ROCK2: variants seen among roughly 807,000 people sequenced by gnomAD.
The protein encoded by ROCK2 is Rho associated coiled-coil containing protein kinase 2.
ROCK2 carries 61 observed loss-of-function variants against 195.1 expected under a neutral mutation model. That is an observed-to-expected ratio of 0.31 (90% confidence interval 0.25 to 0.39). The LOEUF (loss-of-function observed/expected upper bound fraction) is 0.39, where lower values mean the gene tolerates loss of function less well. ROCK2 is among the 10% of genes least tolerant of loss of function. The pLI is 1.00. For synonymous variants in ROCK2, 504 were observed against 545.5 expected, an observed-to-expected ratio of 0.92 and a Z score of 1.06; for missense variants, 1,109 against 1,637.4, an observed-to-expected ratio of 0.68 and a Z score of 5.57.
intron 1 of ROCK2, among the ~76,000 whole-genome samples, chr2:11,297,170 A>G (rs1178376055): frequency 6.6e-6 from 1 of 152,130 alleles, no homozygotes; most frequent in African/African-American, 2.4e-5. Context: ...CTAGGTAGGA[A>G]TTAGTATTTT....
At chr2:11,306,959 A>G (rs1342924991) in intron 1 of ROCK2, among the ~76,000 whole-genome samples, 1 of 152,218 alleles carries the variant, frequency 6.6e-6, no homozygotes, top group African/African-American at 2.4e-5. Flanking sequence ...TTCTTGGGGG[A>G]AAAAAGAATG....
At chr2:11,198,367 G>T (rs944727877) in intron 25 of ROCK2, 124 bp downstream of exon 25, 3 of 645,062 alleles carry the variant, frequency 4.7e-6, no homozygotes, top group Non-Finnish European at 5.2e-6. Flanking sequence ...TCAGGTAATT[G>T]TGACTTCACA....
chr2:11,243,012 C>T (rs1665482919), intron 4 of ROCK2, among the ~76,000 whole-genome samples: 1 of 152,086 alleles, frequency 6.6e-6, no homozygotes, highest in Non-Finnish European at 1.5e-5. Flanking sequence ...CTTTCTAGTG[C>T]CTGGGACCCT....
intron 20 of ROCK2, among the ~76,000 whole-genome samples, chr2:11,202,575 A>G (rs1283804295): frequency 2.6e-5 from 4 of 151,874 alleles, no homozygotes; most frequent in African/African-American, 9.7e-5. Flanking sequence ...TGGGCTCACT[A>G]AAAGTTCCGC....
chr2:11,234,855 T>C (rs1665147549), intron 5 of ROCK2, among the ~76,000 whole-genome samples: 1 of 152,090 alleles, frequency 6.6e-6, no homozygotes, highest in African/African-American at 2.4e-5. Context: ...ACAGGTGGCA[T>C]GAACAAGTTA....
At position 11,193,911 on chromosome 2, in the gene ROCK2, T is replaced by C. The variant is rs1558279049; in HGVS notation, c.3609-54A>G. 4.1e-6 allele frequency: 4 copies of C among 964,700 alleles called. No individual in the cohort carries two copies. The African/African-American group carries it at 5.0e-5, about 12-fold the overall frequency. 59.8% of individuals were successfully genotyped at this position (964,700 alleles called of 1,614,324 possible). A position where few individuals can be genotyped will look rare whatever the true frequency, so the allele number is the denominator to read the frequency against. Reference sequence around the variant, plus strand: ...AATATCACCCAAGGATCAAATTATATATTAATTATTCTATACTTACATCAG... The same window carrying C: ...AATATCACCCAAGGATCAAATTATACATTAATTATTCTATACTTACATCAG... On this transcript the variant is annotated intron_variant, in intron 29 of 32. Coordinates refer to ENST00000315872, the MANE Select transcript of ROCK2 (RefSeq NM_004850.5).
chr2:11,308,385 C>T, intron 1 of ROCK2: 1 of 1,517,742 alleles, frequency 6.6e-7, no homozygotes, highest in Non-Finnish European at 9.1e-7. Flanking sequence ...AGAATTTTGG[C>T]ACCTGGTGAA....
chr2:11,281,977 C>T (rs2148185149), intron 3 of ROCK2, among the ~76,000 whole-genome samples: 1 of 152,232 alleles, frequency 6.6e-6, no homozygotes, highest in Admixed American at 6.5e-5. Context: ...AAAAAAACCC[C>T]AGTAAGTTAT....
intron 1 of ROCK2, chr2:11,309,068 G>A: frequency 7.3e-7 from 1 of 1,374,078 alleles, no homozygotes; most frequent in Non-Finnish European, 9.9e-7. Context: ...TAGGCCGGAG[G>A]GAGTCCAATG....
At chr2:11,327,334 A>C (rs1005969558) in intron 1 of ROCK2, among the ~76,000 whole-genome samples, 1 of 152,218 alleles carries the variant, frequency 6.6e-6, no homozygotes, top group Non-Finnish European at 1.5e-5. Context: ...AAGACCTCAA[A>C]GGTAAAGCCA....
intron 1 of ROCK2, among the ~76,000 whole-genome samples, chr2:11,296,011 A>AG (rs1256824530): frequency 1.2e-5 from 1 of 85,402 alleles, no homozygotes; most frequent in African/African-American, 4.6e-5. Context: ...GAGAGGAGAG[A>AG]GAGAGAGAGA....
intron 3 of ROCK2, among the ~76,000 whole-genome samples, chr2:11,277,908 C>A (rs775144569): frequency 6.6e-6 from 1 of 152,176 alleles, no homozygotes; most frequent in East Asian, 1.9e-4. Context: ...GCATGATTTA[C>A]AGGCAGGATT....
intron 32 of ROCK2, chr2:11,184,620 C>T (rs1427627344): frequency 3.0e-6 from 3 of 984,720 alleles, no homozygotes; most frequent in Admixed American, 6.2e-5. Flanking sequence ...ACCACATGCA[C>T]TACGTTGAAG....
chr2:11,247,367 G>C (rs1487727954), intron 4 of ROCK2, among the ~76,000 whole-genome samples: 1 of 152,172 alleles, frequency 6.6e-6, no homozygotes, highest in African/African-American at 2.4e-5. Context: ...ACTTTGACAA[G>C]TTTTCACAAA....
intron 1 of ROCK2, among the ~76,000 whole-genome samples, chr2:11,289,924 T>C (rs1012753610): frequency 3.3e-5 from 5 of 152,244 alleles, no homozygotes; most frequent in African/African-American, 1.2e-4. Context: ...AAAACCATTT[T>C]TTAAAGACCA....
rs1298506057 is a variant in ROCK2 at position 11,235,133 on chromosome 2, C to A, written c.723+569G>T. Among the ~76,000 whole-genome samples the A allele has an allele frequency of 6.6e-6, 1 of 152,084 alleles. No homozygotes were observed. The highest frequency in any genetic ancestry group is 1.5e-5 in the Non-Finnish European group (1 of 67,958). On this transcript the variant is annotated intron_variant, in intron 5 of 32. Transcript: ENST00000315872. This position sits in a 1 kb window ranked among gnomAD's most constrained non-coding sequence, Gnocchi z 4.2. ...AGGGCAAGATATATAAATTTTACAA[C>A]CAAAATAAATCAGTATCATAATTAG... is the stretch of plus-strand genomic sequence containing the variant.
intron 6 of ROCK2, among the ~76,000 whole-genome samples, chr2:11,226,613 T>C (rs1198504693): frequency 1.3e-5 from 2 of 152,040 alleles, no homozygotes; most frequent in African/African-American, 2.4e-5. Context: ...ATATGATTGA[T>C]CAAGAAAATC....
intron 5 of ROCK2, among the ~76,000 whole-genome samples, chr2:11,233,585 A>C (rs1665098579): frequency 6.6e-6 from 1 of 152,182 alleles, no homozygotes; most frequent in Non-Finnish European, 1.5e-5. Flanking sequence ...TTTGGAGGTG[A>C]CCTAGAAATC....
chr2:11,183,859 T>C (rs866958127), intron 32 of ROCK2, among the ~76,000 whole-genome samples: 5 of 152,212 alleles, frequency 3.3e-5, no homozygotes, highest in African/African-American at 1.2e-4. Context: ...ATTTTGTTTT[T>C]CTATAAGATA....
Sources: allele counts gnomAD v4.1 joint callset (sites outside exome capture counted in the v4.1 genomes callset), GRCh38; gene constraint gnomAD v4.1.1; non-coding constraint Gnocchi (gnomAD v3.1); transcripts MANE v1.5; gene names NCBI Gene and HGNC (gene_info 2026-07-23, HGNC 2026-07-21).